SUGCT: variants seen among roughly 807,000 people sequenced by gnomAD.
SUGCT encodes the protein succinyl-CoA:glutarate CoA-transferase.
Under a neutral mutation model 55.0 loss-of-function variants are expected in SUGCT, and 41 were observed. The ratio of observed to expected loss-of-function variants is 0.74; its 90% CI spans 0.58 to 0.97. The LOEUF (loss-of-function observed/expected upper bound fraction) is 0.97, where lower values mean the gene tolerates loss of function less well. Ranked by LOEUF, SUGCT falls within the 50% of genes least tolerant of loss-of-function variation. The probability of loss-of-function intolerance (pLI) is 0.00; values close to 1 mark genes in which losing one functional copy is unlikely to be tolerated. For missense variants in SUGCT, 568 were observed against 547.8 expected (o/e 1.04, Z -0.37); for synonymous variants, 187 against 200.4 (o/e 0.93, Z 0.56).
Position 40,314,559 on chromosome 7 carries a change from C to CTTTTTTTT in SUGCT, c.721-2186_721-2179dup, listed in dbSNP as rs1292941632. Among the ~76,000 whole-genome samples, 61 of 108,724 alleles carry CTTTTTTTT rather than the reference C, an allele frequency of 5.6e-4. 5 individuals carry two copies. In the South Asian group the frequency reaches 0.013, roughly 24 times the overall value. The allele number at this position is 108,724 out of a possible 152,430, so 71.3% of individuals were successfully genotyped here. ...ATAACTCCTATTGCATCCCTTGTGT[C>CTTTTTTTT]TTTTTTTTTTTTTTTTTTTTTTAAG... is the stretch of plus-strand genomic sequence containing the variant. On this transcript the variant is annotated intron_variant, in intron 8 of 13. Coordinates refer to ENST00000335693, the MANE Select transcript of SUGCT (RefSeq NM_001193313.2).
chr7:40,556,642 A>T (rs1795575100), intron 12 of SUGCT, among the ~76,000 whole-genome samples: 1 of 152,186 alleles, frequency 6.6e-6, no homozygotes, highest in African/African-American at 2.4e-5. Flanking sequence ...TCCCAGTTCT[A>T]CCACTTAGTG....
At chr7:40,956,829 A>C in the SUGCT span, among the ~76,000 whole-genome samples, 1 of 152,000 alleles carries the variant, frequency 6.6e-6, no homozygotes, top group African/African-American at 2.4e-5. Context: ...CTTTGTTCTC[A>C]TTGGTTTCAA....
chr7:40,990,721 C>T, the SUGCT span, among the ~76,000 whole-genome samples: 1 of 152,220 alleles, frequency 6.6e-6, no homozygotes, highest in Non-Finnish European at 1.5e-5. Flanking sequence ...GCTAGATCTT[C>T]TAGATAACTT....
chr7:40,628,551 G>T (rs1182107100), intron 12 of SUGCT, among the ~76,000 whole-genome samples: 3 of 152,218 alleles, frequency 2.0e-5, no homozygotes, highest in Non-Finnish European at 4.4e-5. Context: ...TGAATGGAAA[G>T]ATCTCACCTG....
intron 12 of SUGCT, among the ~76,000 whole-genome samples, chr7:40,708,998 C>G (rs375803817): frequency 6.6e-6 from 1 of 152,136 alleles, no homozygotes; most frequent in African/African-American, 2.4e-5. Context: ...AACATTTGTT[C>G]AATGAATTAT....
intron 9 of SUGCT, among the ~76,000 whole-genome samples, chr7:40,392,651 G>A (rs1267635622): frequency 1.3e-5 from 2 of 152,090 alleles, no homozygotes; most frequent in African/African-American, 2.4e-5. Flanking sequence ...CACCCATATC[G>A]ATGACATTGT....
chr7:40,704,449 A>G (rs1206307880), intron 12 of SUGCT, among the ~76,000 whole-genome samples: 2 of 152,142 alleles, frequency 1.3e-5, no homozygotes, highest in Non-Finnish European at 2.9e-5. Flanking sequence ...GTGAGTAGTC[A>G]GGGAGGTAGG....
At chr7:40,676,894 CGTGTGT>C (rs3221667) in intron 12 of SUGCT, among the ~76,000 whole-genome samples, 3,313 of 144,006 alleles carry the variant, frequency 0.023, 41 homozygotes, top group Middle Eastern at 0.046. Flanking sequence ...TTCAGAATGA[CGTGTGT>C]GTGTGTGTGT....
At chr7:40,889,264 G>T in the SUGCT span, among the ~76,000 whole-genome samples, 1 of 152,136 alleles carries the variant, frequency 6.6e-6, no homozygotes, top group African/African-American at 2.4e-5. Flanking sequence ...GGATCAGTCT[G>T]TGGCTTTTAG....
intron 12 of SUGCT, among the ~76,000 whole-genome samples, chr7:40,657,257 C>T (rs1470804978): frequency 2.0e-5 from 3 of 151,726 alleles, no homozygotes; most frequent in Non-Finnish European, 2.9e-5. Context: ...GCTTCTTTTC[C>T]CCTTGGTGAG....
At chr7:40,322,260 T>C (rs1408765896) in intron 9 of SUGCT, among the ~76,000 whole-genome samples, 1 of 152,202 alleles carries the variant, frequency 6.6e-6, no homozygotes, top group African/African-American at 2.4e-5. Flanking sequence ...CCTTCTCCTT[T>C]CTGGCTTCAG....
Position 40,428,925 on chromosome 7 carries a change from G to A in SUGCT, c.817-20362G>A, listed in dbSNP as rs185987705. The stretch of plus-strand genomic sequence containing the variant: ...ATATTGAGAGGATACCTCTTGTAAC[G>A]CAGGTCTAGTAGTAAAGAATTCCCT... On this transcript the variant is annotated intron_variant, in intron 9 of 13. Coordinates refer to ENST00000335693, the MANE Select transcript of SUGCT (RefSeq NM_001193313.2). Among the ~76,000 whole-genome samples the A allele has an allele frequency of 2.0e-3, 308 of 152,244 alleles. 13 individuals are homozygous for A. The South Asian group carries it at 0.059, about 29-fold the overall frequency.
intron 12 of SUGCT, among the ~76,000 whole-genome samples, chr7:40,642,336 A>G (rs1382884929): frequency 1.3e-5 from 2 of 152,204 alleles, no homozygotes; most frequent in South Asian, 2.1e-4. Flanking sequence ...GAAAGTAGTG[A>G]AAGTTCTTCT....
intron 9 of SUGCT, among the ~76,000 whole-genome samples, chr7:40,428,429 G>A (rs1787711149): frequency 6.6e-6 from 1 of 151,962 alleles, no homozygotes; most frequent in South Asian, 2.1e-4. Flanking sequence ...TTTTCTGTCT[G>A]GCTTGTAGCT....
At chr7:40,924,664 G>T in the SUGCT span, among the ~76,000 whole-genome samples, 1 of 152,082 alleles carries the variant, frequency 6.6e-6, no homozygotes, top group Non-Finnish European at 1.5e-5. Flanking sequence ...CTTCAACTAG[G>T]TATCCATTAC....
chr7:40,411,985 G>A (rs779864794), intron 9 of SUGCT, among the ~76,000 whole-genome samples: 9 of 152,094 alleles, frequency 5.9e-5, no homozygotes, highest in African/African-American at 9.7e-5. Context: ...ACGAGGCAGG[G>A]CATTTTTTCC....
chr7:40,628,834 G>A (rs1170272960), intron 12 of SUGCT, among the ~76,000 whole-genome samples: 3 of 151,970 alleles, frequency 2.0e-5, no homozygotes, highest in Admixed American at 1.3e-4. Context: ...TGTGCCTCCC[G>A]TGTTCAAGCG....
rs115764031 is a variant in SUGCT, at chr7:40,389,606, A to G, written c.817-59681A>G. Among the ~76,000 whole-genome samples, 204 of 152,328 alleles carry G rather than the reference A, an allele frequency of 1.3e-3. No individual in the cohort carries two copies. The Middle Eastern group carries it at 0.017, about 13-fold the overall frequency. ...TGTCAGTTTATATCCTAAGCACTTTATCTCATTGTCAATGACAAAGCAATA... is the reference window on the plus strand; with the variant it reads ...TGTCAGTTTATATCCTAAGCACTTTGTCTCATTGTCAATGACAAAGCAATA... On this transcript the variant is annotated intron_variant, in intron 9 of 13. Transcript: ENST00000335693.
intron 12 of SUGCT, among the ~76,000 whole-genome samples, chr7:40,615,192 A>G (rs991696856): frequency 6.6e-6 from 1 of 152,188 alleles, no homozygotes; most frequent in Non-Finnish European, 1.5e-5. Context: ...GATTCCATCT[A>G]TAGTCAGATT....
Sources: allele counts gnomAD v4.1 joint callset (sites outside exome capture counted in the v4.1 genomes callset), GRCh38; gene constraint gnomAD v4.1.1; transcripts MANE v1.5; gene names NCBI Gene and HGNC (gene_info 2026-07-23, HGNC 2026-07-21).